GABRA4: variants seen among roughly 807,000 people sequenced by gnomAD.
GABRA4 encodes gamma-aminobutyric acid type A receptor subunit alpha4.
Under a neutral mutation model 49.7 loss-of-function variants are expected in GABRA4, and 12 were observed. The ratio of observed to expected loss-of-function variants is 0.24; its 90% CI spans 0.15 to 0.39. GABRA4 has a LOEUF of 0.39. GABRA4 is among the 10% of genes least tolerant of loss of function. The pLI is 1.00. For missense variants in GABRA4, 506 were observed against 686.0 expected, an observed-to-expected ratio of 0.74 and a Z score of 2.93; for synonymous variants, 288 against 240.2, an observed-to-expected ratio of 1.20 and a Z score of -1.84.
At chr4:46,932,557 A>G (rs1721475453) in intron 8 of GABRA4, among the ~76,000 whole-genome samples, 1 of 152,192 alleles carries the variant, frequency 6.6e-6, no homozygotes, top group African/African-American at 2.4e-5. Flanking sequence ...GTATTGTTTA[A>G]CAAGCCCACT....
intron 8 of GABRA4, among the ~76,000 whole-genome samples, chr4:46,938,600 A>G (rs2109345027): frequency 6.6e-6 from 1 of 152,244 alleles, no homozygotes; most frequent in South Asian, 2.1e-4. Flanking sequence ...TGGAATTCCA[A>G]TTTCCAATTC....
In GABRA4 at chr4:46,977,161, A is replaced by G. The variant is rs1370302710; in HGVS notation, c.495-18T>C. 2.0e-6 allele frequency: 3 copies of G among 1,501,064 alleles called. No individual in the cohort carries two copies. The highest frequency in any genetic ancestry group is 1.8e-5 in the Admixed American group (1 of 55,002). 93.0% of individuals were successfully genotyped at this position (1,501,064 alleles called of 1,614,324 possible). On this transcript the variant is annotated intron_variant, in intron 4 of 8. Transcript: ENST00000264318. ...TGGTGAGTCTATGATGAAAAATGCAATTAAATAAAATCAACCCTTTTAAAG... is the reference window on the plus strand; with the variant it reads ...TGGTGAGTCTATGATGAAAAATGCAGTTAAATAAAATCAACCCTTTTAAAG...
chr4:46,975,126 T>A (rs936846005), intron 5 of GABRA4, among the ~76,000 whole-genome samples: 1 of 151,946 alleles, frequency 6.6e-6, no homozygotes, highest in Non-Finnish European at 1.5e-5. Context: ...AGTCTACCCA[T>A]AACAGACAGC....
intron 5 of GABRA4, 51 bp from the exon 6 acceptor site, chr4:46,974,426 C>G: frequency 6.5e-7 from 1 of 1,531,310 alleles, no homozygotes. Context: ...TTTTCATCCA[C>G]ATCAGTGGTC....
intron 8 of GABRA4, among the ~76,000 whole-genome samples, chr4:46,949,267 C>A (rs1159039585): frequency 6.6e-6 from 1 of 152,058 alleles, no homozygotes; most frequent in South Asian, 2.1e-4. Context: ...TACTACTAAC[C>A]TTTAAGCCCA....
At position 46,965,015 on chromosome 4, in the gene GABRA4, G is replaced by A. The variant is rs112484538; in HGVS notation, c.1089C>T (p.Pro363=). ...GCTTCTCTCTCTGCACTGGAGCAGC[G>A]GGAACTTCCTGAGGGGGCTTTGATG... ...RKTSKPPQEV[P]AAPVQREKHP... is the part of the protein sequence containing the mutation. The change falls in exon 8 of 9, where the codon CCC becomes CCT. Residue 363 remains proline, a synonymous_variant. Transcript: ENST00000264318. The A allele has an allele frequency of 2.5e-5, 40 of 1,611,662 alleles. No individual in the cohort carries two copies. Among genetic ancestry groups the A allele is most frequent in the African/African-American group, 2.0e-4 (15 of 74,790 alleles).
At chr4:46,970,198 T>G (rs1488432504) in intron 7 of GABRA4, among the ~76,000 whole-genome samples, 1 of 151,426 alleles carries the variant, frequency 6.6e-6, no homozygotes, top group East Asian at 2.0e-4. Flanking sequence ...CCAGCATCTC[T>G]TCAGCTATTG....
chr4:46,919,008 A>C lies in GABRA4; in HGVS notation c.*9217T>G, dbSNP rs1417129465. 6.6e-6 allele frequency: 1 copy of C among 151,674 alleles called. No individual in the cohort carries two copies. The highest frequency in any genetic ancestry group is 2.4e-5 in the African/African-American group (1 of 41,426). 9.4% of individuals were successfully genotyped at this position (151,674 alleles called of 1,614,324 possible). A position where few individuals can be genotyped will look rare whatever the true frequency, so the allele number is the denominator to read the frequency against. On this transcript the variant is annotated 3_prime_UTR_variant, in exon 9 of 9. Transcript: ENST00000264318. ...TCCAGAGTTTAGCTCCAACACATTTATCTTAAAATATAAGTATCTGTGATT... is the reference window on the plus strand; with the variant it reads ...TCCAGAGTTTAGCTCCAACACATTTCTCTTAAAATATAAGTATCTGTGATT...
chr4:46,993,535 G>A lies in GABRA4; in HGVS notation c.-111C>T, dbSNP rs567791568. ...GCTCCCGCGGCGTGCGCACACTCGC[G>A]CTCACACTCGCCCGCGCTCAGCCAG... is the stretch of plus-strand genomic sequence containing the variant. On this transcript the variant is annotated 5_prime_UTR_variant, in exon 1 of 9. Transcript: ENST00000264318. The A allele has an allele frequency of 7.9e-6, 9 of 1,139,890 alleles. No individual in the cohort carries two copies. The East Asian group carries it at 1.5e-4, about 19-fold the overall frequency. 70.6% of individuals were successfully genotyped at this position (1,139,890 alleles called of 1,614,324 possible). A position where few individuals can be genotyped will look rare whatever the true frequency, so the allele number is the denominator to read the frequency against.
At chr4:46,942,104 C>T (rs1721820870) in intron 8 of GABRA4, among the ~76,000 whole-genome samples, 1 of 152,102 alleles carries the variant, frequency 6.6e-6, no homozygotes, top group South Asian at 2.1e-4. Flanking sequence ...TTACTCATCC[C>T]ATTATTCAAC....
At chr4:46,935,642 G>A (rs1721579376) in intron 8 of GABRA4, among the ~76,000 whole-genome samples, 1 of 152,006 alleles carries the variant, frequency 6.6e-6, no homozygotes, top group Non-Finnish European at 1.5e-5. Flanking sequence ...ACACAGGGAG[G>A]GGAACATCAT....
chr4:46,928,675 C>T lies in GABRA4; in HGVS notation c.1215G>A (p.Glu405=), dbSNP rs1721325782. 1 of 1,613,400 alleles carries T rather than the reference C, an allele frequency of 6.2e-7. No homozygotes were observed. The highest frequency in any genetic ancestry group is 8.5e-7 in the Non-Finnish European group (1 of 1,179,582). Residue 405 remains glutamate, a synonymous_variant, in exon 9 of 9, where the codon GAG becomes GAA. Coordinates refer to ENST00000264318, the MANE Select transcript of GABRA4 (RefSeq NM_000809.4). ...HSESDVGNRT[E]VGNHSSKSST... ...AAGATTTGCTTGAATGGTTTCCCAC[C>T]TCAGTTCTGTTGCCAACATCAGATT...
intron 6 of GABRA4, 108 bp downstream of exon 6, chr4:46,974,124 A>T: frequency 1.8e-6 from 2 of 1,083,222 alleles, no homozygotes; most frequent in Non-Finnish European, 1.3e-6. Flanking sequence ...TTTCTGGAAA[A>T]TGTTTGTTGT....
At chr4:46,985,824 C>T (rs566499688) in intron 2 of GABRA4, among the ~76,000 whole-genome samples, 1 of 151,784 alleles carries the variant, frequency 6.6e-6, no homozygotes, top group Non-Finnish European at 1.5e-5. Flanking sequence ...TAAAGTTGCA[C>T]TCTGAATTCA....
chr4:46,956,177 A>G (rs537990793), intron 8 of GABRA4, among the ~76,000 whole-genome samples: 1 of 152,214 alleles, frequency 6.6e-6, no homozygotes, highest in African/African-American at 2.4e-5. Context: ...TGTACTTAAA[A>G]CAGGTATGAG....
intron 8 of GABRA4, among the ~76,000 whole-genome samples, chr4:46,939,602 A>G (rs768106098): frequency 2.6e-5 from 4 of 152,002 alleles, no homozygotes; most frequent in Non-Finnish European, 5.9e-5. Flanking sequence ...AAATATATAT[A>G]CTCATGGAAT....
intron 3 of GABRA4, among the ~76,000 whole-genome samples, chr4:46,978,409 C>A (rs929037495): frequency 6.6e-6 from 1 of 151,770 alleles, no homozygotes; most frequent in Non-Finnish European, 1.5e-5. Flanking sequence ...AAAAAACAGC[C>A]GGGCACGGTG....
Position 46,979,094 on chromosome 4 carries a change from A to G in GABRA4, c.210T>C (p.Pro70=). 6.2e-7 allele frequency: 1 copy of G among 1,601,718 alleles called. No homozygotes were observed. Among genetic ancestry groups the G allele is most frequent in the Non-Finnish European group, 8.6e-7 (1 of 1,169,382 alleles). Residue 70 remains proline, a synonymous_variant, in exon 3 of 9, where the codon CCT becomes CCC. Coordinates refer to ENST00000264318, the MANE Select transcript of GABRA4 (RefSeq NM_000809.4). ...ATATGTCAGTTTTCACTTCTGTAACAGGACCTAACGGGTATGAAGTAAATA... is the reference window on the plus strand; with the variant it reads ...ATATGTCAGTTTTCACTTCTGTAACGGGACCTAACGGGTATGAAGTAAATA... ...DNRLRPGFGG[P]VTEVKTDIYV... is the part of the protein sequence containing the mutation.
At position 46,924,057 on chromosome 4, in the gene GABRA4, G is replaced by T. The variant is rs1721126090; in HGVS notation, c.*4168C>A. The T allele has an allele frequency of 1.3e-5, 2 of 152,144 alleles. No individual in the cohort carries two copies. The highest frequency in any genetic ancestry group is 6.6e-5 in the Admixed American group (1 of 15,252). The allele number at this position is 152,144 out of a possible 1,614,324, so 9.4% of individuals were successfully genotyped here. ...ACTCCAAATCATTCTATAAAATTTA[G>T]CTTAAGATTATATCTGTGAAACCTT... On this transcript the variant is annotated 3_prime_UTR_variant, in exon 9 of 9. Coordinates refer to ENST00000264318, the MANE Select transcript of GABRA4 (RefSeq NM_000809.4).
Sources: allele counts gnomAD v4.1 joint callset (sites outside exome capture counted in the v4.1 genomes callset), GRCh38; gene constraint gnomAD v4.1.1; transcripts MANE v1.5; gene names NCBI Gene and HGNC (gene_info 2026-07-23, HGNC 2026-07-21).